Variants in WDHD1 observed in about 807,000 individuals in gnomAD.
The protein encoded by WDHD1 is WD repeat and HMG-box DNA-binding protein 1.
In WDHD1, 111 loss-of-function variants were observed where a neutral mutation model predicts 135.4. That is an observed-to-expected ratio of 0.82 (90% CI 0.70 to 0.96). The LOEUF (loss-of-function observed/expected upper bound fraction) is 0.96. Among genes scored for constraint, WDHD1 ranks in the 40% least tolerant of loss-of-function variants. WDHD1 has a pLI of 0.00. For missense variants in WDHD1, 1,351 were observed against 1,336.3 expected (o/e 1.01, Z -0.17); for synonymous variants, 434 against 439.0 (o/e 0.99, Z 0.14).
intron 10 of WDHD1, among the ~76,000 whole-genome samples, chr14:54,996,238 C>G (rs1365996658): frequency 1.3e-5 from 2 of 152,038 alleles, no homozygotes; most frequent in African/African-American, 4.8e-5. Context: ...TTTATATTAT[C>G]TCAGTTAAAG....
chr14:54,999,514 ACT>A (rs1437314035), intron 10 of WDHD1, among the ~76,000 whole-genome samples: 1 of 152,210 alleles, frequency 6.6e-6, no homozygotes, highest in Non-Finnish European at 1.5e-5. Flanking sequence ...TAGCACCTCA[ACT>A]TCCAGAAACT....
chr14:54,948,410 C>T (rs921620249), intron 24 of WDHD1, among the ~76,000 whole-genome samples: 7 of 152,248 alleles, frequency 4.6e-5, no homozygotes, highest in African/African-American at 1.7e-4. Flanking sequence ...TTATATCCCA[C>T]TCCTGGCTCA....
At chr14:54,989,626 T>C (rs2041751813) in intron 12 of WDHD1, among the ~76,000 whole-genome samples, 1 of 152,082 alleles carries the variant, frequency 6.6e-6, no homozygotes, top group Admixed American at 6.6e-5. Flanking sequence ...CTAACTATTC[T>C]ATGATAAAAT....
chr14:54,988,648 T>A (rs1344502650), intron 13 of WDHD1, among the ~76,000 whole-genome samples: 1 of 151,914 alleles, frequency 6.6e-6, no homozygotes, highest in Non-Finnish European at 1.5e-5. Flanking sequence ...GAGAGTAGAA[T>A]TCTGGGAGGA....
intron 22 of WDHD1, 33 bp from the exon 23 acceptor site, chr14:54,957,237 T>C (rs1223422353): frequency 6.4e-7 from 1 of 1,555,310 alleles, no homozygotes; most frequent in African/African-American, 1.4e-5. Flanking sequence ...CACTGTATGT[T>C]TAAAGAAGAA....
intron 12 of WDHD1, among the ~76,000 whole-genome samples, chr14:54,989,760 A>C (rs1441577753): frequency 6.6e-6 from 1 of 151,978 alleles, no homozygotes; most frequent in Non-Finnish European, 1.5e-5. Context: ...CCTGGATTCA[A>C]GTGATTCTCC....
At chr14:54,946,901 G>A (rs939220319) in intron 24 of WDHD1, among the ~76,000 whole-genome samples, 6 of 152,156 alleles carry the variant, frequency 3.9e-5, no homozygotes, top group Non-Finnish European at 8.8e-5. Flanking sequence ...AAAATTAGTG[G>A]GCATGGTGGC....
rs8020032 is a variant in WDHD1, at chr14:54,995,744, A to G, written c.1012T>C (p.Phe338Leu). The G allele has an allele frequency of 1.0e-3, 1,612 of 1,613,512 alleles. 14 individuals are homozygous for G. The African/African-American group carries it at 0.019, about 19-fold the overall frequency. The change falls in exon 11 of 26, where the codon TTT (phenylalanine) becomes CTT (leucine). Residue 338 changes from phenylalanine to leucine, a missense_variant. Around this residue, in one of 2 missense-constraint regions of WDHD1, gnomAD observed 1,330 missense variants for 1,296.1 expected, o/e 1.03. Coordinates refer to ENST00000360586, the MANE Select transcript of WDHD1 (RefSeq NM_007086.4). ...ATCTCAACTGCATTGTCATTTAGAA[A>G]ATCACCAGCATTACTCATATCATCT... ...DGDDMSNAGDFLNDNAVEIPS... is the reference protein window; with the variant it reads ...DGDDMSNAGDLLNDNAVEIPS...
intron 10 of WDHD1, among the ~76,000 whole-genome samples, chr14:54,998,419 C>A (rs113001206): frequency 6.6e-6 from 1 of 152,008 alleles, no homozygotes; most frequent in Non-Finnish European, 1.5e-5. Flanking sequence ...CGTGAGCCAC[C>A]GTGCCCAGCC....
intron 23 of WDHD1, among the ~76,000 whole-genome samples, chr14:54,956,655 G>A (rs1353458886): frequency 6.6e-6 from 1 of 152,080 alleles, no homozygotes; most frequent in Non-Finnish European, 1.5e-5. Context: ...AAAGACAGGG[G>A]GAGCAGGATA....
At chr14:54,987,410 A>C (rs2041711265) in intron 13 of WDHD1, 23 bp from the exon 14 acceptor site, 2 of 1,570,442 alleles carry the variant, frequency 1.3e-6, no homozygotes, top group Non-Finnish European at 8.6e-7. Flanking sequence ...ACAAGACAGA[A>C]ACAATCAAAC....
chr14:55,024,773 T>C (rs373660862), intron 2 of WDHD1, among the ~76,000 whole-genome samples: 1,768 of 138,826 alleles, frequency 0.013, 33 homozygotes, highest in Middle Eastern at 0.056. Context: ...AAACAGATGC[T>C]TGAAGGCAGC....
At chr14:54,980,464 T>A (rs560997434) in intron 16 of WDHD1, among the ~76,000 whole-genome samples, 1 of 152,206 alleles carries the variant, frequency 6.6e-6, no homozygotes, top group African/African-American at 2.4e-5. Flanking sequence ...TTTATACATA[T>A]GCCAGCAGCA....
In WDHD1 at chr14:54,984,819, G is replaced by T; in HGVS notation, c.1810C>A (p.Leu604Ile). The change falls in exon 15 of 26, where the codon CTA becomes ATA. Residue 604 changes from leucine (L) to isoleucine (I), a missense_variant. This residue lies in a region of WDHD1 where 1,330 missense variants were observed against 1,296.1 expected (regional missense o/e 1.03). Transcript: ENST00000360586. Reference sequence around the variant, plus strand: ...TGTTTTTTCTTTTTCCCCAGCTCTAGCAGTTGAACTCCAAGGCACTGATCC... The same window carrying T: ...TGTTTTTTCTTTTTCCCCAGCTCTATCAGTTGAACTCCAAGGCACTGATCC... Reference protein sequence around the residue: ...DGDQCLGVQLLELGKKKKQIL... With the variant: ...DGDQCLGVQLIELGKKKKQIL... The T allele has an allele frequency of 6.2e-7, 1 of 1,613,694 alleles. No homozygotes were observed. Among genetic ancestry groups the T allele is most frequent in the African/African-American group, 1.3e-5 (1 of 74,994 alleles).
chr14:54,963,023 T>C lies in WDHD1; in HGVS notation c.2460A>G (p.Ala820=). The C allele has an allele frequency of 6.2e-7, 1 of 1,614,054 alleles. No individual in the cohort carries two copies. Among genetic ancestry groups the C allele is most frequent in the Non-Finnish European group, 8.5e-7 (1 of 1,179,982 alleles). ...CCACCTGGGTTGCTGTCAATTCGGC[T>C]GCCTTCTCTACAGCCAGTTCACTTA... ...QKLSELAVEK[A]AELTATQVEE... Residue 820 remains alanine (A), a synonymous_variant, in exon 19 of 26, where the codon GCA becomes GCG. Coordinates refer to ENST00000360586, the MANE Select transcript of WDHD1 (RefSeq NM_007086.4).
intron 2 of WDHD1, among the ~76,000 whole-genome samples, chr14:55,021,407 CTT>C (rs775469379): frequency 3.7e-4 from 53 of 142,718 alleles, no homozygotes; most frequent in Admixed American, 2.8e-4. Flanking sequence ...ATTAGCGTTC[CTT>C]TTTTTTTTTT....
At chr14:55,011,655 GTA>G (rs997326873) in intron 3 of WDHD1, among the ~76,000 whole-genome samples, 3 of 149,850 alleles carry the variant, frequency 2.0e-5, no homozygotes, top group South Asian at 4.2e-4. Flanking sequence ...GTGTTTGTGT[GTA>G]TATATATATG....
chr14:55,002,402 C>T (rs1221122978), intron 7 of WDHD1, among the ~76,000 whole-genome samples: 1 of 152,060 alleles, frequency 6.6e-6, no homozygotes, highest in Non-Finnish European at 1.5e-5. Flanking sequence ...TCCTAAGTAG[C>T]TGGGACTACA....
chr14:54,983,956 G>A (rs913722880), intron 15 of WDHD1, among the ~76,000 whole-genome samples: 7 of 151,638 alleles, frequency 4.6e-5, no homozygotes, highest in African/African-American at 1.7e-4. Context: ...CTTTTTTCAT[G>A]CTAAGTCTTC....
Sources: allele counts gnomAD v4.1 joint callset (sites outside exome capture counted in the v4.1 genomes callset), GRCh38; gene constraint gnomAD v4.1.1; regional missense constraint gnomAD v4.1.1; transcripts MANE v1.5; gene names NCBI Gene and HGNC (gene_info 2026-07-23, HGNC 2026-07-21).